The following CCDC171 variants were observed in gnomAD, a reference collection of about 807,000 sequenced individuals.
CCDC171 encodes the protein coiled-coil domain containing 171.
Under a neutral mutation model 168.2 loss-of-function variants are expected in CCDC171, and 177 were observed. The observed-to-expected ratio is 1.05, with a 90% CI of 0.93 to 1.19. The LOEUF is 1.19. CCDC171 is among the 50% of genes most tolerant of loss of function. CCDC171 has a pLI of 0.00. For synonymous variants in CCDC171, 687 were observed against 540.8 expected (o/e 1.27, Z -3.75); for missense variants, 1,991 against 1,539.0 (o/e 1.29, Z -4.91).
At chr9:15,903,863 G>A (rs1795018083) in intron 24 of CCDC171, among the ~76,000 whole-genome samples, 1 of 152,214 alleles carries the variant, frequency 6.6e-6, no homozygotes, top group Admixed American at 6.5e-5. Context: ...CATGGCACGA[G>A]AGGTACGTGA....
At chr9:15,633,074 G>A (rs10756683) in intron 7 of CCDC171, among the ~76,000 whole-genome samples, 61,504 of 151,780 alleles carry the variant, frequency 0.41, 14,213 homozygotes, top group East Asian at 0.76. Context: ...AAACCCTATA[G>A]GAAAACCTAG....
In CCDC171 at chr9:15,954,055, T is replaced by C. The variant is rs180891281; in HGVS notation, c.3754-17554T>C. Among the ~76,000 whole-genome samples the C allele has an allele frequency of 2.0e-5, 3 of 152,040 alleles. No individual in the cohort carries two copies. In the East Asian group the frequency reaches 5.8e-4, roughly 29 times the overall value. On this transcript the variant is annotated intron_variant, in intron 25 of 25. Transcript: ENST00000380701. Reference sequence around the variant, plus strand: ...TCTTTTGATATTAGTAATTTGAGTTTCTTTTTTTCTTGCCTATCTAGCTAA... The same window carrying C: ...TCTTTTGATATTAGTAATTTGAGTTCCTTTTTTTCTTGCCTATCTAGCTAA...
At chr9:15,941,015 C>T (rs1395075175) in intron 25 of CCDC171, among the ~76,000 whole-genome samples, 2 of 151,936 alleles carry the variant, frequency 1.3e-5, no homozygotes, top group African/African-American at 4.8e-5. Context: ...TGGTACTAAA[C>T]AAGTGTTTTC....
At position 15,623,475 on chromosome 9, in the gene CCDC171, G is replaced by GCGCGCGCGCGCA; in HGVS notation, c.822+63_822+64insGCGCGCGCGCAC. On this transcript the variant is annotated intron_variant, in intron 7 of 25. Coordinates refer to ENST00000380701, the MANE Select transcript of CCDC171 (RefSeq NM_173550.4). ...CAAACTTTCACATATGCGCGCGCGC[G>GCGCGCGCGCGCA]CACACACACACACACACACACACAC... is the stretch of plus-strand genomic sequence containing the variant. The GCGCGCGCGCGCA allele has an allele frequency of 3.1e-4, 98 of 315,446 alleles. 1 individual carries two copies. Among genetic ancestry groups the GCGCGCGCGCGCA allele is most frequent in the Non-Finnish European group, 4.5e-4 (78 of 172,632 alleles). 19.5% of individuals were successfully genotyped at this position (315,446 alleles called of 1,614,324 possible). A position where few individuals can be genotyped will look rare whatever the true frequency, so the allele number is the denominator to read the frequency against.
At chr9:16,040,306 A>G (rs1833552337), upstream of CCDC171, among the ~76,000 whole-genome samples, 1 of 151,978 alleles carries the variant, frequency 6.6e-6, no homozygotes, top group African/African-American at 2.4e-5. Flanking sequence ...ACACCTCCCC[A>G]GTGAAGGGAT....
Position 15,591,490 on chromosome 9 carries a change from C to T in CCDC171, c.477C>T (p.Ile159=). ...EHDLEERDNM[I]QNCNREYDLL... ...ATTTGGAGGAAAGAGACAATATGAT[C>T]CAAAATTGCAATCGAGAATATGATT... Residue 159 remains isoleucine, a synonymous_variant, in exon 5 of 26, where the codon ATC becomes ATT. Coordinates refer to ENST00000380701, the MANE Select transcript of CCDC171 (RefSeq NM_173550.4). The T allele has an allele frequency of 1.2e-6, 2 of 1,605,508 alleles. No homozygotes were observed. Among genetic ancestry groups the T allele is most frequent in the Non-Finnish European group, 1.7e-6 (2 of 1,175,468 alleles).
chr9:15,809,732 G>A (rs532732906), intron 21 of CCDC171, among the ~76,000 whole-genome samples: 8 of 152,268 alleles, frequency 5.3e-5, no homozygotes, highest in South Asian at 2.1e-4. Flanking sequence ...AAGGCAGTGC[G>A]GACCCAAAGA....
chr9:15,777,515 A>G (rs560882444), intron 18 of CCDC171, 85 bp from the exon 19 acceptor site: 2 of 709,594 alleles, frequency 2.8e-6, no homozygotes, highest in African/African-American at 1.8e-5. Flanking sequence ...TAATTAAAAA[A>G]TATTTTCATT....
intron 1 of CCDC171, among the ~76,000 whole-genome samples, chr9:16,046,787 C>A (rs1586858706): frequency 6.6e-6 from 1 of 152,154 alleles, no homozygotes; most frequent in South Asian, 2.1e-4. Context: ...ATGAGGCCTC[C>A]CCAGCCACGT....
intron 25 of CCDC171, among the ~76,000 whole-genome samples, chr9:15,951,513 T>G (rs113833819): frequency 6.9e-6 from 1 of 144,700 alleles, no homozygotes; most frequent in African/African-American, 2.4e-5. Context: ...ACACTTGTGA[T>G]TATCTGTTTT....
rs571458049 is a variant in CCDC171 at position 15,939,033 on chromosome 9, T to G, written c.3753+18611T>G. Among the ~76,000 whole-genome samples the G allele has an allele frequency of 4.0e-5, 6 of 151,706 alleles. No homozygotes were observed. The East Asian group carries it at 1.2e-3, about 29-fold the overall frequency. ...ATTAAATAACATTAATATTATAGAT[T>G]CTTATGATTATAATTATGTACACCC... is the stretch of plus-strand genomic sequence containing the variant. On this transcript the variant is annotated intron_variant, in intron 25 of 25. Coordinates refer to ENST00000380701, the MANE Select transcript of CCDC171 (RefSeq NM_173550.4).
intron 25 of CCDC171, among the ~76,000 whole-genome samples, chr9:15,941,081 T>A (rs773688708): frequency 6.6e-6 from 1 of 151,958 alleles, no homozygotes; most frequent in Non-Finnish European, 1.5e-5. Flanking sequence ...CTTAAAGGTG[T>A]CCCTCTCAGG....
chr9:15,841,189 A>G (rs887358949), intron 21 of CCDC171, among the ~76,000 whole-genome samples: 2 of 152,066 alleles, frequency 1.3e-5, no homozygotes, highest in South Asian at 2.1e-4. Flanking sequence ...AACGTATTTT[A>G]CACTCTTCTT....
chr9:15,785,332 A>C (rs2057886302), intron 21 of CCDC171, among the ~76,000 whole-genome samples: 1 of 152,122 alleles, frequency 6.6e-6, no homozygotes, highest in Non-Finnish European at 1.5e-5. Context: ...ATACGTTGGA[A>C]TGGAACTAAA....
chr9:15,912,578 T>C (rs149305913), intron 24 of CCDC171, among the ~76,000 whole-genome samples: 1 of 148,582 alleles, frequency 6.7e-6, no homozygotes, highest in East Asian at 2.0e-4. Flanking sequence ...CAATTTCCAA[T>C]AAATAGGAGG....
At chr9:15,621,203 G>T (rs2044475482) in intron 6 of CCDC171, among the ~76,000 whole-genome samples, 1 of 152,194 alleles carries the variant, frequency 6.6e-6, no homozygotes, top group East Asian at 1.9e-4. Flanking sequence ...CTGGGCTCAA[G>T]TGATCCATCT....
rs1564330242 is a variant in CCDC171, at chr9:15,744,703, G to C, written c.2480G>C (p.Trp827Ser). ...LGQSCASLFTWMESFKEGIGM... is the reference protein window; with the variant it reads ...LGQSCASLFTSMESFKEGIGM... ...CAATCATGTGCCTCTCTTTTTACCT[G>C]GATGGAGAGTTTCAAAGAAGGCATA... is the stretch of plus-strand genomic sequence containing the variant. Residue 827 changes from tryptophan to serine, a missense_variant, in exon 17 of 26, where the codon TGG (tryptophan) becomes TCG (serine). By Grantham distance (177) the Trp-to-Ser change is radical. Transcript: ENST00000380701. The C allele has an allele frequency of 1.1e-5, 18 of 1,614,104 alleles. No individual in the cohort carries two copies. The highest frequency in any genetic ancestry group is 1.5e-5 in the Non-Finnish European group (18 of 1,180,006).
rs533114948 is a variant in CCDC171 at position 15,570,702 on chromosome 9, C to T, written c.42-922C>T. ...TTGCTTAGGTTCTGTAGGGAAGACA[C>T]TTCCAATTTCTGCTTGACTGCCATC... On this transcript the variant is annotated intron_variant, in intron 2 of 25. Coordinates refer to ENST00000380701, the MANE Select transcript of CCDC171 (RefSeq NM_173550.4). 1.3e-3 allele frequency among the ~76,000 whole-genome samples: 200 copies of T among 152,304 alleles called. 1 individual carries two copies. The highest frequency in any genetic ancestry group is 4.7e-3 in the African/African-American group (195 of 41,574).
chr9:15,755,357 A>T (rs1395804710), intron 18 of CCDC171, among the ~76,000 whole-genome samples: 1 of 152,202 alleles, frequency 6.6e-6, no homozygotes, highest in African/African-American at 2.4e-5. Flanking sequence ...GCTTTGGAAA[A>T]GAGTCTGGAA....
Sources: allele counts gnomAD v4.1 joint callset (sites outside exome capture counted in the v4.1 genomes callset), GRCh38; gene constraint gnomAD v4.1.1; transcripts MANE v1.5; gene names NCBI Gene and HGNC (gene_info 2026-07-23, HGNC 2026-07-21).